SLCO1A2: variants seen among roughly 807,000 people sequenced by gnomAD.
SLCO1A2 encodes OATP-1.
In SLCO1A2, 67 loss-of-function variants were observed where a neutral mutation model predicts 69.0. That is an observed-to-expected ratio of 0.97 (90% CI 0.80 to 1.19). The LOEUF (loss-of-function observed/expected upper bound fraction) is 1.19. Ranked by LOEUF, SLCO1A2 falls within the 50% of genes most tolerant of loss-of-function variation. SLCO1A2 has a pLI of 0.00. For missense variants in SLCO1A2, 787 were observed against 793.7 expected (o/e 0.99, Z 0.10); for synonymous variants, 260 against 265.9 (o/e 0.98, Z 0.22).
Position 21,334,639 on chromosome 12 carries a change from T to G in SLCO1A2, c.9A>C (p.Glu3Asp). 1 of 1,609,852 alleles carries G rather than the reference T, an allele frequency of 6.2e-7. No homozygotes were observed. The highest frequency in any genetic ancestry group is 1.3e-5 in the African/African-American group (1 of 74,774). MG[E>D]TEKRIETHRI... ...TATGGGTTTCAATTCTTTTCTCAGT[T>G]TCTCCCATGTTGCTCTTCAGGGTGT... Residue 3 changes from glutamate to aspartate, a missense_variant, in exon 2 of 15, where the codon GAA becomes GAC. Glu to Asp is a conservative substitution (Grantham distance 45). Transcript: ENST00000683939.
intron 1 of SLCO1A2, among the ~76,000 whole-genome samples, chr12:21,389,741 A>G (rs1016227573): frequency 6.6e-6 from 1 of 151,974 alleles, no homozygotes; most frequent in Non-Finnish European, 1.5e-5. Flanking sequence ...GAGTAGGCAC[A>G]CACATACAAA....
upstream of SLCO1A2, among the ~76,000 whole-genome samples, chr12:21,338,385 C>T (rs1013257899): frequency 1.4e-4 from 21 of 151,842 alleles, no homozygotes; most frequent in Admixed American, 5.9e-4. Flanking sequence ...ACCCCCCAGG[C>T]GATATCTGAT....
At position 21,274,148 on chromosome 12, in the gene SLCO1A2, A is replaced by T. The variant is rs1194987167; in HGVS notation, c.1793+321T>A. On this transcript the variant is annotated intron_variant, in intron 14 of 14. Coordinates refer to ENST00000683939, the MANE Select transcript of SLCO1A2 (RefSeq NM_001386879.1). ...CAGGATAAAATGAGAGCCTTTAGAG[A>T]GCAATATAAATTGGATAGGTATCAG... 9 of 174,684 alleles carry T rather than the reference A, an allele frequency of 5.2e-5. No individual in the cohort carries two copies. The East Asian group carries it at 1.3e-3, about 25-fold the overall frequency. The allele number at this position is 174,684 out of a possible 1,614,324, so 10.8% of individuals were successfully genotyped here.
intron 1 of SLCO1A2, chr12:21,378,320 A>G (rs779084862): frequency 3.1e-6 from 5 of 1,614,160 alleles, no homozygotes; most frequent in Non-Finnish European, 3.4e-6. Flanking sequence ...TCCAGCAACA[A>G]CTTTGGTGCC....
chr12:21,276,678 GC>G (rs1943922310), intron 12 of SLCO1A2, among the ~76,000 whole-genome samples: 1 of 152,042 alleles, frequency 6.6e-6, no homozygotes, highest in Non-Finnish European at 1.5e-5. Flanking sequence ...GCCAACACCA[GC>G]CCTCCCATCC....
rs1359763433 is a variant in SLCO1A2 at position 21,412,507 on chromosome 12, AATG to A, written c.-312+5372_-312+5374del. Among the ~76,000 whole-genome samples the A allele has an allele frequency of 7.2e-5, 11 of 152,260 alleles. No individual in the cohort carries two copies. The South Asian group carries it at 1.7e-3, about 23-fold the overall frequency. ...ATTAAATTGTATCAAATGTTTATGAAATGATATTTGTAGTCTATTAATGTGATT... is the reference window on the plus strand; with the variant it reads ...ATTAAATTGTATCAAATGTTTATGAAATATTTGTAGTCTATTAATGTGATT... On this transcript the variant is annotated intron_variant, in intron 1 of 4. Transcript: ENST00000413682.
intron 2 of SLCO1A2, chr12:21,324,846 C>G (rs1378568038): frequency 6.6e-6 from 1 of 152,170 alleles, no homozygotes. Context: ...GAGTCAGAGT[C>G]AGCCCTAGGG....
At chr12:21,286,948 G>C (rs1205181332) in intron 12 of SLCO1A2, among the ~76,000 whole-genome samples, 1 of 147,664 alleles carries the variant, frequency 6.8e-6, no homozygotes, top group Non-Finnish European at 1.5e-5. Flanking sequence ...ACATAGGTGT[G>C]GGCAAGGACT....
At chr12:21,283,001 T>C (rs1945090296) in intron 12 of SLCO1A2, among the ~76,000 whole-genome samples, 1 of 152,064 alleles carries the variant, frequency 6.6e-6, no homozygotes, top group Non-Finnish European at 1.5e-5. Context: ...AACAAAGGAA[T>C]CTGCAATCTA....
At chr12:21,278,851 AAAC>A (rs1944328254) in intron 12 of SLCO1A2, among the ~76,000 whole-genome samples, 1 of 152,178 alleles carries the variant, frequency 6.6e-6, no homozygotes, top group Non-Finnish European at 1.5e-5. Flanking sequence ...CAAAGGAACT[AAAC>A]AAGGCAGCAG....
intron 8 of SLCO1A2, among the ~76,000 whole-genome samples, chr12:21,297,873 C>T (rs1947975173): frequency 6.6e-6 from 1 of 152,086 alleles, no homozygotes; most frequent in Non-Finnish European, 1.5e-5. Flanking sequence ...TTGTCTACGT[C>T]CACAGCATTT....
At chr12:21,378,499 A>G (rs2137114988) in intron 1 of SLCO1A2, 1 of 1,229,968 alleles carries the variant, frequency 8.1e-7, no homozygotes, top group South Asian at 1.2e-5. Context: ...TGCCCTTTTC[A>G]TCTCCAGTGT....
rs757204337 is a variant in SLCO1A2, at chr12:21,378,206, C to G, written c.-189-3681G>C. The G allele has an allele frequency of 4.4e-6, 7 of 1,605,892 alleles. No homozygotes were observed. In the East Asian group the frequency reaches 1.6e-4, roughly 36 times the overall value. ...TGGATCCAGCTAAAATTCTAAGGCTCTAACTTTTCACATTTGTTCCATGTT... is the reference window on the plus strand; with the variant it reads ...TGGATCCAGCTAAAATTCTAAGGCTGTAACTTTTCACATTTGTTCCATGTT... On this transcript the variant is annotated intron_variant, in intron 1 of 15. Transcript: ENST00000307378.
chr12:21,381,407 T>A (rs7139223), intron 1 of SLCO1A2, among the ~76,000 whole-genome samples: 8,213 of 151,602 alleles, frequency 0.054, 548 homozygotes, highest in African/African-American at 0.17. Flanking sequence ...CCAACAAACA[T>A]GAAAAAAATG....
chr12:21,295,127 G>T (rs1947506308), intron 10 of SLCO1A2: 1 of 152,102 alleles, frequency 6.6e-6, no homozygotes, highest in African/African-American at 2.4e-5. Context: ...TGAAATATAT[G>T]AATTATGTAT....
At chr12:21,357,435 T>C (rs1938460276) in intron 2 of SLCO1A2, among the ~76,000 whole-genome samples, 1 of 152,250 alleles carries the variant, frequency 6.6e-6, no homozygotes, top group South Asian at 2.1e-4. Context: ...CCAACCCTGC[T>C]GACACCTAAT....
intron 1 of SLCO1A2, among the ~76,000 whole-genome samples, chr12:21,381,414 A>G (rs1249385368): frequency 6.6e-6 from 1 of 152,236 alleles, no homozygotes; most frequent in South Asian, 2.1e-4. Flanking sequence ...ACATGAAAAA[A>G]ATGCGCAACA....
intron 2 of SLCO1A2, among the ~76,000 whole-genome samples, chr12:21,330,867 A>G (rs369935095): frequency 3.0e-4 from 45 of 152,168 alleles, no homozygotes; most frequent in East Asian, 1.2e-3. Context: ...TAACCTTATT[A>G]CAACTTACAC....
chr12:21,363,402 A>G (rs1939095741), intron 2 of SLCO1A2, among the ~76,000 whole-genome samples: 2 of 152,324 alleles, frequency 1.3e-5, no homozygotes, highest in East Asian at 1.9e-4. Flanking sequence ...AGCTGTATGT[A>G]GAGGGAAATT....
Sources: gnomAD v4.1 joint callset for allele counts (sites outside exome capture counted in the v4.1 genomes callset) on GRCh38, gnomAD v4.1.1 for gene constraint, MANE v1.5 for transcripts, NCBI Gene and HGNC (gene_info 2026-07-23, HGNC 2026-07-21) for gene names.